Variants in PIK3C2G observed in about 807,000 individuals in gnomAD.
The protein encoded by PIK3C2G is phosphatidylinositol-4-phosphate 3-kinase catalytic subunit type 2 gamma.
A neutral mutation model predicts 181.1 loss-of-function variants in PIK3C2G; 168 were observed. The ratio of observed to expected loss-of-function variants is 0.93; its 90% CI spans 0.82 to 1.05. PIK3C2G has a LOEUF of 1.05. Among genes scored for constraint, PIK3C2G ranks in the 50% least tolerant of loss-of-function variants. PIK3C2G has a pLI of 0.00. For synonymous variants in PIK3C2G, 573 were observed against 592.2 expected (o/e 0.97, Z 0.47); for missense variants, 1,869 against 1,732.8 (o/e 1.08, Z -1.40).
At chr12:18,273,584 G>GA (rs1040017232) in intron 1 of PIK3C2G, among the ~76,000 whole-genome samples, 3 of 152,128 alleles carry the variant, frequency 2.0e-5, no homozygotes, top group Admixed American at 2.0e-4. Flanking sequence ...ATGGTGCTGG[G>GA]AAAACTGGCT....
In PIK3C2G at chr12:18,556,791, T is replaced by C. The variant is rs117684941; in HGVS notation, c.3591-5912T>C. On this transcript the variant is annotated intron_variant, in intron 26 of 32. Coordinates refer to ENST00000538779, the MANE Select transcript of PIK3C2G (RefSeq NM_001288772.2). ...TGTAAATTCATAAGTGCAAACAACA[T>C]CTTTAGAAATGGTGAACACTGGGAT... Among the ~76,000 whole-genome samples, 200 of 152,224 alleles carry C rather than the reference T, an allele frequency of 1.3e-3. No individual in the cohort carries two copies. The East Asian group carries it at 0.032, about 25-fold the overall frequency.
the PIK3C2G span, among the ~76,000 whole-genome samples, chr12:18,658,416 TAAAG>T: frequency 6.6e-6 from 1 of 151,854 alleles, no homozygotes; most frequent in Non-Finnish European, 1.5e-5. Context: ...AAGCAAAAGA[TAAAG>T]AATCGTAAAA....
intron 30 of PIK3C2G, among the ~76,000 whole-genome samples, chr12:18,606,528 C>T (rs2136572182): frequency 6.6e-6 from 1 of 152,062 alleles, no homozygotes; most frequent in Middle Eastern, 3.4e-3. Context: ...ATTACCATTG[C>T]AATTGTAAAA....
chr12:18,726,252 C>T, the PIK3C2G span, among the ~76,000 whole-genome samples: 3 of 152,130 alleles, frequency 2.0e-5, no homozygotes, highest in African/African-American at 7.2e-5. Context: ...GGGTTCACTA[C>T]CACCTTTAAA....
At chr12:18,324,937 T>C (rs553435157) in intron 7 of PIK3C2G, 98 bp from the exon 8 acceptor site, 1 of 636,928 alleles carries the variant, frequency 1.6e-6, no homozygotes, top group East Asian at 2.8e-5. Flanking sequence ...CCTACGATAG[T>C]ATCATGGGCA....
chr12:18,725,980 C>G, the PIK3C2G span, among the ~76,000 whole-genome samples: 1 of 151,982 alleles, frequency 6.6e-6, no homozygotes. Context: ...GGAATGACAG[C>G]CTTTTTCTAT....
intron 15 of PIK3C2G, among the ~76,000 whole-genome samples, chr12:18,397,651 G>A (rs923774273): frequency 1.3e-5 from 2 of 151,926 alleles, no homozygotes; most frequent in African/African-American, 4.8e-5. Flanking sequence ...TGGTACAAAT[G>A]GAACTATCAT....
intron 29 of PIK3C2G, among the ~76,000 whole-genome samples, chr12:18,584,654 G>T (rs1270713483): frequency 6.6e-6 from 1 of 152,096 alleles, no homozygotes; most frequent in Non-Finnish European, 1.5e-5. Context: ...CCCCAACATT[G>T]CTAGAGAGGA....
At chr12:18,335,472 T>C (rs1206975468) in intron 8 of PIK3C2G, among the ~76,000 whole-genome samples, 1 of 152,110 alleles carries the variant, frequency 6.6e-6, no homozygotes, top group African/African-American at 2.4e-5. Context: ...TGTGTGTGTG[T>C]GTATGTATGT....
At chr12:18,719,536 T>C in the PIK3C2G span, 1 of 1,598,258 alleles carries the variant, frequency 6.3e-7, no homozygotes, top group Admixed American at 1.7e-5. Context: ...AGTCATATCT[T>C]GATAAACTTT....
intron 18 of PIK3C2G, among the ~76,000 whole-genome samples, chr12:18,482,777 C>T (rs1389875021): frequency 6.6e-6 from 1 of 152,152 alleles, no homozygotes; most frequent in African/African-American, 2.4e-5. Context: ...GAGCTTCCTT[C>T]CCCACTGGAC....
chr12:18,595,881 G>A (rs187931657), intron 30 of PIK3C2G, among the ~76,000 whole-genome samples: 7 of 152,212 alleles, frequency 4.6e-5, no homozygotes, highest in Admixed American at 4.6e-4. Flanking sequence ...CTCATCATGG[G>A]ATTCCAGCAG....
At chr12:18,306,605 T>C (rs957376933) in intron 5 of PIK3C2G, among the ~76,000 whole-genome samples, 1 of 152,032 alleles carries the variant, frequency 6.6e-6, no homozygotes, top group Non-Finnish European at 1.5e-5. Flanking sequence ...GATTTAACAT[T>C]GTAGAAATTT....
At chr12:18,693,917 C>T in the PIK3C2G span, 4 of 1,526,934 alleles carry the variant, frequency 2.6e-6, no homozygotes, top group Non-Finnish European at 1.8e-6. Context: ...TGTAACCCTG[C>T]ACGACTTGAT....
intron 22 of PIK3C2G, 117 bp downstream of exon 22, chr12:18,497,865 G>T: frequency 1.6e-6 from 1 of 610,440 alleles, no homozygotes; most frequent in African/African-American, 1.9e-5. Context: ...AAAATCCAAA[G>T]AACTATACAC....
the PIK3C2G span, among the ~76,000 whole-genome samples, chr12:18,725,856 T>C: frequency 3.3e-5 from 5 of 152,130 alleles, no homozygotes; most frequent in Non-Finnish European, 5.9e-5. Flanking sequence ...CTTGAAAAAG[T>C]GTCACCCACT....
chr12:18,585,237 G>C (rs766296878), intron 29 of PIK3C2G, among the ~76,000 whole-genome samples: 1 of 151,920 alleles, frequency 6.6e-6, no homozygotes, highest in Non-Finnish European at 1.5e-5. Context: ...CATTTAAAAA[G>C]AGTGGTCAAC....
chr12:18,529,887 ATAT>A (rs1329972466), intron 24 of PIK3C2G, among the ~76,000 whole-genome samples: 1 of 152,162 alleles, frequency 6.6e-6, no homozygotes, highest in East Asian at 1.9e-4. Flanking sequence ...AGAGCAGAAC[ATAT>A]TATGAACAGA....
chr12:18,561,500 G>A (rs967128747), intron 26 of PIK3C2G, among the ~76,000 whole-genome samples: 1 of 152,046 alleles, frequency 6.6e-6, no homozygotes, highest in East Asian at 1.9e-4. Context: ...AAAGGAAGTA[G>A]GGGCTAGGAA....
Sources: gnomAD v4.1 joint callset for allele counts (sites outside exome capture counted in the v4.1 genomes callset) on GRCh38, gnomAD v4.1.1 for gene constraint, MANE v1.5 for transcripts, NCBI Gene and HGNC (gene_info 2026-07-23, HGNC 2026-07-21) for gene names.